The following DHX32 variants were observed in gnomAD, a reference collection of about 807,000 sequenced individuals.
DHX32 encodes the protein DEAH-box helicase 32 (putative), also known as putative pre-mRNA-splicing factor ATP-dependent RNA helicase DHX32.
A neutral mutation model predicts 70.0 loss-of-function variants in DHX32; 51 were observed. The observed-to-expected ratio is 0.73, with a 90% CI of 0.58 to 0.92. The LOEUF (loss-of-function observed/expected upper bound fraction) is 0.92. Among genes scored for constraint, DHX32 ranks in the 40% least tolerant of loss-of-function variants. The probability of loss-of-function intolerance (pLI) is 0.00; values close to 1 mark genes in which losing one functional copy is unlikely to be tolerated. For synonymous variants in DHX32, 310 were observed against 315.3 expected (o/e 0.98, Z 0.18); for missense variants, 762 against 891.8 (o/e 0.85, Z 1.85).
intron 2 of DHX32, among the ~76,000 whole-genome samples, chr10:125,861,063 T>A (rs975593341): frequency 1.3e-5 from 2 of 151,802 alleles, no homozygotes; most frequent in Non-Finnish European, 2.9e-5. Flanking sequence ...CAATCCCATA[T>A]GTTTTTTACC....
intron 6 of DHX32, among the ~76,000 whole-genome samples, chr10:125,849,938 A>G (rs1944068708): frequency 1.3e-5 from 2 of 152,022 alleles, no homozygotes; most frequent in Admixed American, 6.6e-5. Flanking sequence ...AAAGATCTGC[A>G]CCATCACAAC....
At chr10:125,887,305 G>A (rs1217474415) in intron 1 of DHX32, among the ~76,000 whole-genome samples, 1 of 152,212 alleles carries the variant, frequency 6.6e-6, no homozygotes, top group Non-Finnish European at 1.5e-5. Flanking sequence ...GTTAGGTGAG[G>A]CTGAGGGTGG....
At chr10:125,855,305 T>G (rs1485648241) in intron 3 of DHX32, among the ~76,000 whole-genome samples, 2 of 152,054 alleles carry the variant, frequency 1.3e-5, no homozygotes, top group African/African-American at 4.8e-5. Flanking sequence ...CTGCTTGGCC[T>G]TAGGAGGACA....
At chr10:125,842,054 G>A (rs569774721) in intron 6 of DHX32, 120 bp from the exon 7 acceptor site, 5 of 1,272,510 alleles carry the variant, frequency 3.9e-6, no homozygotes, top group African/African-American at 1.5e-5. Context: ...GTGAAACAAC[G>A]GTTTGCAAGC....
upstream of DHX32, among the ~76,000 whole-genome samples, chr10:125,882,607 G>A (rs1356522184): frequency 6.6e-6 from 1 of 152,126 alleles, no homozygotes; most frequent in Non-Finnish European, 1.5e-5. Context: ...TAACCAGAGA[G>A]GCAGAAGAAC....
chr10:125,859,339 C>T (rs1944170195), intron 3 of DHX32, among the ~76,000 whole-genome samples: 1 of 152,172 alleles, frequency 6.6e-6, no homozygotes, highest in South Asian at 2.1e-4. Flanking sequence ...TTTGGGGCAG[C>T]CACTCTCTGG....
chr10:125,880,750 G>C lies in DHX32; in HGVS notation c.75C>G (p.Ser25Arg), dbSNP rs761025080. The change falls in exon 1 of 11, where the codon AGC becomes AGG. Residue 25 changes from serine to arginine, a missense_variant. Ser to Arg is a moderately radical substitution (Grantham distance 110). Around this residue, in one of 3 missense-constraint regions of DHX32, gnomAD observed 394 missense variants for 473.1 expected, o/e 0.83. Transcript: ENST00000284690. Reference sequence around the variant, plus strand: ...CCAAAACCTCTTCCTCATCCCCATCGCTGGAATCCAGGGATTCAGGAAAAT... The same window carrying C: ...CCAAAACCTCTTCCTCATCCCCATCCCTGGAATCCAGGGATTCAGGAAAAT... ...KRYFPESLDS[S>R]DGDEEEVLAC... is the part of the protein sequence containing the mutation. The C allele has an allele frequency of 2.5e-6, 4 of 1,614,102 alleles. No homozygotes were observed. The South Asian group carries it at 4.4e-5, about 18-fold the overall frequency.
At chr10:125,875,222 A>C (rs1256825119) in intron 1 of DHX32, among the ~76,000 whole-genome samples, 1 of 152,158 alleles carries the variant, frequency 6.6e-6, no homozygotes, top group African/African-American at 2.4e-5. Flanking sequence ...CTGTCTCAAA[A>C]AAAAAATTGC....
chr10:125,879,797 A>C (rs1158911926), intron 1 of DHX32, among the ~76,000 whole-genome samples: 5 of 152,136 alleles, frequency 3.3e-5, no homozygotes, highest in Non-Finnish European at 5.9e-5. Context: ...GACGACAGGC[A>C]TGCAGCACCA....
intron 1 of DHX32, among the ~76,000 whole-genome samples, chr10:125,878,998 G>A (rs1944300741): frequency 6.8e-6 from 1 of 147,264 alleles, no homozygotes. Context: ...ATGAGCCACA[G>A]CGCCCAGCCT....
Position 125,859,841 on chromosome 10 carries a change from A to C in DHX32, c.611T>G (p.Val204Gly), listed in dbSNP as rs765866900. Residue 204 changes from valine to glycine, a missense_variant, in exon 3 of 11, where the codon GTT becomes GGT. Physicochemically the swap from Val to Gly is moderately radical, Grantham distance 109. Around this residue, in one of 3 missense-constraint regions of DHX32, gnomAD observed 394 missense variants for 473.1 expected, o/e 0.83. Coordinates refer to ENST00000284690, the MANE Select transcript of DHX32 (RefSeq NM_018180.3). ...CTTCAGTTCTGGTCTTGCTAGTAAA[A>C]CATCTTTAAGAAGTCCAAGTAACAC... ...TDVLLGLLKD[V>G]LLARPELKLI... 6.2e-7 allele frequency: 1 copy of C among 1,614,092 alleles called. No homozygotes were observed. The highest frequency in any genetic ancestry group is 8.5e-7 in the Non-Finnish European group (1 of 1,180,018).
At chr10:125,848,200 ACT>A (rs1022851133) in intron 6 of DHX32, among the ~76,000 whole-genome samples, 1 of 151,904 alleles carries the variant, frequency 6.6e-6, no homozygotes, top group African/African-American at 2.4e-5. Flanking sequence ...AGACCCTAAG[ACT>A]CTACAATGTC....
chr10:125,859,986 G>C lies in DHX32; in HGVS notation c.477-11C>G. 1 of 1,515,594 alleles carries C rather than the reference G, an allele frequency of 6.6e-7. No homozygotes were observed. The highest frequency in any genetic ancestry group is 8.8e-7 in the Non-Finnish European group (1 of 1,136,110). 93.9% of individuals were successfully genotyped at this position (1,515,594 alleles called of 1,614,324 possible). Reference sequence around the variant, plus strand: ...TCATCAGTACAATACCTATAAAGAAGAAACATTAAAGTTAGAATATTCTTA... The same window carrying C: ...TCATCAGTACAATACCTATAAAGAACAAACATTAAAGTTAGAATATTCTTA... On this transcript the variant is annotated splice_polypyrimidine_tract_variant and intron_variant, in intron 2 of 10. Coordinates refer to ENST00000284690, the MANE Select transcript of DHX32 (RefSeq NM_018180.3).
chr10:125,848,340 C>T (rs187341752), intron 6 of DHX32, among the ~76,000 whole-genome samples: 3 of 152,312 alleles, frequency 2.0e-5, no homozygotes, highest in Admixed American at 1.3e-4. Flanking sequence ...TACTCCTTTA[C>T]ACTGTACATG....
At chr10:125,858,987 T>C (rs1382222559) in intron 3 of DHX32, among the ~76,000 whole-genome samples, 1 of 152,076 alleles carries the variant, frequency 6.6e-6, no homozygotes, top group African/African-American at 2.4e-5. Flanking sequence ...AGTCATTCTT[T>C]TAAAGAGATG....
At chr10:125,841,695 C>T (rs774237813) in intron 7 of DHX32, 48 bp downstream of exon 7, 2 of 1,587,656 alleles carry the variant, frequency 1.3e-6, no homozygotes, top group Non-Finnish European at 8.5e-7. Context: ...TAAATCTATA[C>T]CTAGTGCAGA....
intron 6 of DHX32, chr10:125,842,795 G>C (rs1479139735): frequency 2.1e-6 from 2 of 950,618 alleles, no homozygotes; most frequent in East Asian, 2.3e-4. Flanking sequence ...AAGAAATAAA[G>C]ATAGCAAGCT....
intron 1 of DHX32, among the ~76,000 whole-genome samples, chr10:125,888,959 T>C (rs1297769978): frequency 2.6e-5 from 4 of 152,126 alleles, no homozygotes; most frequent in Non-Finnish European, 5.9e-5. Flanking sequence ...ACTCAGGAGG[T>C]TGAGGTGGGA....
intron 3 of DHX32, 95 bp from the exon 4 acceptor site, chr10:125,854,298 C>T (rs1044005793): frequency 1.3e-5 from 17 of 1,267,528 alleles, no homozygotes; most frequent in East Asian, 2.6e-5. Flanking sequence ...GGCAATACTA[C>T]GTAACAGATA....
Sources: allele counts gnomAD v4.1 joint callset (sites outside exome capture counted in the v4.1 genomes callset), GRCh38; gene constraint gnomAD v4.1.1; regional missense constraint gnomAD v4.1.1; transcripts MANE v1.5; gene names NCBI Gene and HGNC (gene_info 2026-07-23, HGNC 2026-07-21).